The following VRK2 variants were observed in gnomAD, a reference collection of about 807,000 sequenced individuals.
The protein encoded by VRK2 is VRK serine/threonine kinase 2, also known as serine/threonine-protein kinase VRK2.
A neutral mutation model predicts 57.6 loss-of-function variants in VRK2; 60 were observed. That is an observed-to-expected ratio of 1.04 (90% CI 0.85 to 1.29). The LOEUF (loss-of-function observed/expected upper bound fraction) is 1.29, where lower values mean the gene tolerates loss of function less well. VRK2 is among the 50% of genes most tolerant of loss of function. The pLI is 0.00. For missense variants in VRK2, 705 were observed against 588.1 expected (o/e 1.20, Z -2.06); for synonymous variants, 231 against 199.2 (o/e 1.16, Z -1.35).
At chr2:57,908,541 T>C (rs1175737055) in intron 1 of VRK2, among the ~76,000 whole-genome samples, 1 of 152,068 alleles carries the variant, frequency 6.6e-6, no homozygotes, top group Non-Finnish European at 1.5e-5. Flanking sequence ...TTGAGCTCCA[T>C]CATTTCTGAA....
At chr2:58,067,501 T>G (rs1668763360) in intron 2 of VRK2, among the ~76,000 whole-genome samples, 1 of 152,178 alleles carries the variant, frequency 6.6e-6, no homozygotes, top group African/African-American at 2.4e-5. Flanking sequence ...TTGATGTTGC[T>G]CTTTCAAATC....
chr2:58,013,592 C>T (rs1159030378), intron 1 of VRK2, among the ~76,000 whole-genome samples: 1 of 152,124 alleles, frequency 6.6e-6, no homozygotes, highest in Non-Finnish European at 1.5e-5. Context: ...AGATACAGGG[C>T]CGGGCGCGGT....
intron 1 of VRK2, among the ~76,000 whole-genome samples, chr2:57,930,144 T>C (rs72945370): frequency 0.019 from 2,840 of 152,222 alleles, 130 homozygotes; most frequent in African/African-American, 0.065. Context: ...TGCCGAAGAA[T>C]TGCAGACCTT....
At chr2:58,121,932 T>C (rs533461659) in intron 7 of VRK2, among the ~76,000 whole-genome samples, 39 of 152,340 alleles carry the variant, frequency 2.6e-4, no homozygotes, top group Admixed American at 6.5e-4. Context: ...ATTCAGTATA[T>C]GGTCTGTCTG....
chr2:58,159,546 G>GA lies in VRK2; in HGVS notation c.1381dup (p.Ile461AsnfsTer20), dbSNP rs1684739176. The GA allele has an allele frequency of 1.2e-6, 2 of 1,613,662 alleles. No individual in the cohort carries two copies. The highest frequency in any genetic ancestry group is 1.7e-6 in the Non-Finnish European group (2 of 1,179,818). On this transcript the variant is annotated frameshift_variant, in exon 13 of 13. Coordinates refer to ENST00000340157, the MANE Select transcript of VRK2 (RefSeq NM_006296.7). LOFTEE classifies it low-confidence loss of function (END_TRUNC). ...AATACACTTCCACAGTCAGCACGGG[G>GA]ATCACAGACTTAGAAAGTTCAACTG...
chr2:57,939,812 G>T (rs1671035377), intron 1 of VRK2, among the ~76,000 whole-genome samples: 1 of 152,134 alleles, frequency 6.6e-6, no homozygotes, highest in African/African-American at 2.4e-5. Flanking sequence ...GTTCTTATGT[G>T]TTCTTTAACA....
At chr2:57,911,766 A>T (rs1390711263) in intron 1 of VRK2, among the ~76,000 whole-genome samples, 3 of 152,242 alleles carry the variant, frequency 2.0e-5, no homozygotes, top group African/African-American at 7.2e-5. Flanking sequence ...AATGGACTGA[A>T]ATCTGAAAAT....
At chr2:58,136,890 ATG>A (rs1267643280) in intron 10 of VRK2, among the ~76,000 whole-genome samples, 10 of 59,780 alleles carry the variant, frequency 1.7e-4, no homozygotes, top group Admixed American at 9.4e-4. Flanking sequence ...TATCATATAT[ATG>A]TGTATATATA....
chr2:58,100,963 T>C (rs1281931844), intron 7 of VRK2, among the ~76,000 whole-genome samples: 2 of 151,778 alleles, frequency 1.3e-5, no homozygotes, highest in Non-Finnish European at 3.0e-5. Context: ...AATAAATTCT[T>C]AACATGGGCC....
intron 11 of VRK2, among the ~76,000 whole-genome samples, chr2:58,140,916 G>A (rs1298179294): frequency 6.6e-6 from 1 of 151,950 alleles, no homozygotes; most frequent in African/African-American, 2.4e-5. Flanking sequence ...GTTTTGCATG[G>A]CTAATTAACT....
intron 3 of VRK2, among the ~76,000 whole-genome samples, chr2:58,036,767 G>A (rs921321515): frequency 7.2e-5 from 11 of 151,900 alleles, no homozygotes. Context: ...AGTCTCCAGT[G>A]ATTTTCTATT....
At chr2:57,985,940 T>A (rs1253265317) in intron 1 of VRK2, among the ~76,000 whole-genome samples, 1 of 152,164 alleles carries the variant, frequency 6.6e-6, no homozygotes, top group Non-Finnish European at 1.5e-5. Context: ...TCATTTACAT[T>A]AATTAGACAT....
intron 12 of VRK2, among the ~76,000 whole-genome samples, chr2:58,147,427 A>T (rs902081318): frequency 2.6e-5 from 4 of 151,940 alleles, no homozygotes; most frequent in Non-Finnish European, 4.4e-5. Flanking sequence ...TTTAGTTCCT[A>T]TTGGTAAAAT....
chr2:58,072,398 A>G (rs1028860482), intron 2 of VRK2, among the ~76,000 whole-genome samples: 1 of 151,940 alleles, frequency 6.6e-6, no homozygotes, highest in African/African-American at 2.4e-5. Flanking sequence ...AATTTTAGCT[A>G]TGGTTTTATT....
intron 11 of VRK2, among the ~76,000 whole-genome samples, chr2:58,145,817 C>A (rs1267635848): frequency 1.3e-5 from 2 of 151,806 alleles, no homozygotes; most frequent in Non-Finnish European, 2.9e-5. Flanking sequence ...ATGTTCCCTA[C>A]CCTGTGTCCA....
chr2:58,085,286 G>T (rs1260466051), intron 4 of VRK2, among the ~76,000 whole-genome samples: 1 of 151,958 alleles, frequency 6.6e-6, no homozygotes, highest in South Asian at 2.1e-4. Flanking sequence ...GGATAGGACG[G>T]CTATAAGGAA....
chr2:58,024,691 GCCAAAA>G (rs755397786), intron 1 of VRK2, among the ~76,000 whole-genome samples: 35 of 152,064 alleles, frequency 2.3e-4, no homozygotes, highest in Non-Finnish European at 4.4e-4. Flanking sequence ...CCATGTAAGG[GCCAAAA>G]CCTCTTAAGA....
chr2:58,109,997 A>G (rs902084537), intron 7 of VRK2, among the ~76,000 whole-genome samples: 17 of 152,182 alleles, frequency 1.1e-4, no homozygotes, highest in African/African-American at 3.6e-4. Flanking sequence ...TCAGGAAGCA[A>G]AGAAGACTGG....
At chr2:58,113,809 C>T (rs940651625) in intron 7 of VRK2, among the ~76,000 whole-genome samples, 2 of 152,130 alleles carry the variant, frequency 1.3e-5, no homozygotes, top group African/African-American at 4.8e-5. Flanking sequence ...TGGGCGTATA[C>T]CTGCAACTCA....
Sources: allele counts gnomAD v4.1 joint callset (sites outside exome capture counted in the v4.1 genomes callset), GRCh38; gene constraint gnomAD v4.1.1; transcripts MANE v1.5; gene names NCBI Gene and HGNC (gene_info 2026-07-23, HGNC 2026-07-21).